The following ALX3 variants were observed in gnomAD, a reference collection of about 807,000 sequenced individuals.
ALX3 encodes the protein homeobox protein aristaless-like 3.
ALX3 carries 17 observed loss-of-function variants against 26.3 expected under a neutral mutation model. The ratio of observed to expected loss-of-function variants is 0.65; its 90% CI spans 0.44 to 0.97. The LOEUF (loss-of-function observed/expected upper bound fraction) is 0.97. ALX3 is among the 50% of genes least tolerant of loss of function. The pLI, the probability that ALX3 is intolerant of heterozygous loss-of-function variation, is 0.00. For synonymous variants in ALX3, 208 were observed against 201.4 expected, an observed-to-expected ratio of 1.03 and a Z score of -0.28; for missense variants, 461 against 466.5, an observed-to-expected ratio of 0.99 and a Z score of 0.11.
In ALX3 at chr1:110,060,868, G is replaced by A. The variant is rs200860667; in HGVS notation, c.897C>T (p.Ser299=). 1.2e-6 allele frequency: 2 copies of A among 1,614,048 alleles called. No homozygotes were observed. Among genetic ancestry groups the A allele is most frequent in the South Asian group, 1.1e-5 (1 of 91,090 alleles). ...CCAGGGTGGGGGGAAAGCCATGGAT[G>A]GAGTAGATGCCAGGGTGAGCCGCAG... ...APSAAHPGIY[S]IHGFPPTLGG... is the part of the protein sequence containing the mutation. Residue 299 remains serine, a synonymous_variant, in exon 4 of 4, where the codon TCC becomes TCT. Transcript: ENST00000647563.
At position 110,064,836 on chromosome 1, in the gene ALX3, TC is replaced by T; in HGVS notation, c.344del (p.Arg115LysfsTer78). On this transcript the variant is annotated frameshift_variant, in exon 2 of 4. Coordinates refer to ENST00000647563, the MANE Select transcript of ALX3 (RefSeq NM_006492.3). LOFTEE classifies it high-confidence loss of function. ...QLPLDCRGGPRDGPSNLQGSP... is the reference protein window; with the variant it reads ...QLPLDCRGGPXDGPSNLQGSP... ...AGCCTTGCAAGTTAGAGGGCCCGTCTCTGGGGCCCCCTCGGCAGTCCAAGGG... is the reference window on the plus strand; with the variant it reads ...AGCCTTGCAAGTTAGAGGGCCCGTCTTGGGGCCCCCTCGGCAGTCCAAGGG... 3.1e-6 allele frequency: 5 copies of T among 1,613,288 alleles called. No homozygotes were observed. The highest frequency in any genetic ancestry group is 4.2e-6 in the Non-Finnish European group (5 of 1,179,794).
rs1401512006 is a variant in ALX3, at chr1:110,070,586, GA to G, written c.26del (p.Phe9SerfsTer40). The G allele has an allele frequency of 7.7e-7, 1 of 1,297,004 alleles. No homozygotes were observed. Among genetic ancestry groups the G allele is most frequent in the Admixed American group, 3.6e-5 (1 of 27,576 alleles). The allele number at this position is 1,297,004 out of a possible 1,614,324, so 80.3% of individuals were successfully genotyped here. A position where few individuals can be genotyped will look rare whatever the true frequency, so the allele number is the denominator to read the frequency against. The part of the protein sequence containing the change: MDPEHCAP[F>X]RVGPAPGPYV... ...AGGGGCCGGGTGCAGGCCCCACGCG[GA>G]AAGGCGCGCAGTGCTCGGGGTCCAT... On this transcript the variant is annotated frameshift_variant, in exon 1 of 4. Coordinates refer to ENST00000647563, the MANE Select transcript of ALX3 (RefSeq NM_006492.3). LOFTEE classifies it high-confidence loss of function.
rs116085244 is a variant in ALX3 at position 110,064,990 on chromosome 1, G to A, written c.278-87C>T. Reference sequence around the variant, plus strand: ...TGGAGGGAGGGGGAAGAACATTGACGCCTCAGTCTCCGCCTCCCCCTTCCT... The same window carrying A: ...TGGAGGGAGGGGGAAGAACATTGACACCTCAGTCTCCGCCTCCCCCTTCCT... On this transcript the variant is annotated intron_variant, in intron 1 of 3. Transcript: ENST00000647563. 2,097 of 1,296,372 alleles carry A rather than the reference G, an allele frequency of 1.6e-3. 1 individual carries two copies. The highest frequency in any genetic ancestry group is 2.1e-3 in the Non-Finnish European group (1,970 of 959,578). The allele number at this position is 1,296,372 out of a possible 1,614,324, so 80.3% of individuals were successfully genotyped here.
chr1:110,064,439 G>A (rs748137001), intron 2 of ALX3, 148 bp downstream of exon 2: 3 of 954,364 alleles, frequency 3.1e-6, no homozygotes, highest in Non-Finnish European at 3.2e-6. Context: ...GCATGAGGGT[G>A]AGCCCAGGAG....
In ALX3 at chr1:110,060,732, A is replaced by G. The variant is rs1653615288; in HGVS notation, c.*1T>C. ...CTCATTCTGCAGGTCCATGCAACCG[A>G]TCACGTGGTCCAGTTCAGAAGGCCG... On this transcript the variant is annotated 3_prime_UTR_variant, in exon 4 of 4. Coordinates refer to ENST00000647563, the MANE Select transcript of ALX3 (RefSeq NM_006492.3). 1.4e-6 allele frequency: 2 copies of G among 1,457,036 alleles called. No homozygotes were observed. The highest frequency in any genetic ancestry group is 1.8e-6 in the Non-Finnish European group (2 of 1,097,060). The allele number at this position is 1,457,036 out of a possible 1,614,324, so 90.3% of individuals were successfully genotyped here. A position where few individuals can be genotyped will look rare whatever the true frequency, so the allele number is the denominator to read the frequency against.
intron 2 of ALX3, chr1:110,061,775 C>T (rs1653653979): frequency 4.4e-6 from 3 of 676,660 alleles, no homozygotes; most frequent in Non-Finnish European, 4.9e-6. Flanking sequence ...TAATTGGCCC[C>T]ATGGGCCTCC....
At chr1:110,070,245 G>C (rs1268291631) in intron 1 of ALX3, 91 bp downstream of exon 1, 5 of 1,238,350 alleles carry the variant, frequency 4.0e-6, no homozygotes, top group African/African-American at 1.5e-5. Context: ...ATAGGCGAGC[G>C]GGAGAGATAA....
chr1:110,066,898 A>G (rs972664343), intron 1 of ALX3, among the ~76,000 whole-genome samples: 8 of 152,158 alleles, frequency 5.3e-5, no homozygotes, highest in Non-Finnish European at 1.2e-4. Context: ...TGCCAGGGAC[A>G]AGGGATGAAA....
At chr1:110,069,456 G>A (rs987356325) in intron 1 of ALX3, among the ~76,000 whole-genome samples, 1 of 152,222 alleles carries the variant, frequency 6.6e-6, no homozygotes, top group Non-Finnish European at 1.5e-5. Context: ...TGCGGCGGAC[G>A]GCCGCAGAGC....
At chr1:110,069,816 G>A (rs891181833) in intron 1 of ALX3, among the ~76,000 whole-genome samples, 31 of 152,170 alleles carry the variant, frequency 2.0e-4, no homozygotes, top group African/African-American at 7.0e-4. Context: ...GGCCCGGGGA[G>A]GAGAGACGGG....
chr1:110,063,905 A>G lies in ALX3; in HGVS notation c.594+682T>C, dbSNP rs192616491. ...CTTCCTCCCTTCTCAGCATTTACCTACCCACAGGCTGGGCTCCCCCCATGT... is the reference window on the plus strand; with the variant it reads ...CTTCCTCCCTTCTCAGCATTTACCTGCCCACAGGCTGGGCTCCCCCCATGT... On this transcript the variant is annotated intron_variant, in intron 2 of 3. Transcript: ENST00000647563. Among the ~76,000 whole-genome samples the G allele has an allele frequency of 5.3e-5, 8 of 151,388 alleles. No homozygotes were observed. In the East Asian group the frequency reaches 1.6e-3, roughly 30 times the overall value.
Position 110,059,932 on chromosome 1 carries a change from T to A in ALX3, c.*801A>T, listed in dbSNP as rs1410811845. ...AGCCTTTTTTTTCTCTCTCTCTCCTTTTTTTTTTTTTTAAACAAAAAAAAC... is the reference window on the plus strand; with the variant it reads ...AGCCTTTTTTTTCTCTCTCTCTCCTATTTTTTTTTTTTAAACAAAAAAAAC... On this transcript the variant is annotated 3_prime_UTR_variant, in exon 4 of 4. Transcript: ENST00000647563. 1 of 145,408 alleles carries A rather than the reference T, an allele frequency of 6.9e-6. No homozygotes were observed. Among genetic ancestry groups the A allele is most frequent in the Admixed American group, 6.8e-5 (1 of 14,600 alleles). 9.0% of individuals were successfully genotyped at this position (145,408 alleles called of 1,614,324 possible).
chr1:110,060,536 C>T lies in ALX3; in HGVS notation c.*197G>A, dbSNP rs1012831736. On this transcript the variant is annotated 3_prime_UTR_variant, in exon 4 of 4. Coordinates refer to ENST00000647563, the MANE Select transcript of ALX3 (RefSeq NM_006492.3). ...GTGGTAGGAAGAGTCCTGGCTGCTT[C>T]GAAGCCCCTTCTCCTAGGCAGCCCC... 1.2e-5 allele frequency: 6 copies of T among 491,412 alleles called. No individual in the cohort carries two copies. The highest frequency in any genetic ancestry group is 7.6e-5 in the South Asian group (2 of 26,390). 30.4% of individuals were successfully genotyped at this position (491,412 alleles called of 1,614,324 possible).
rs769180172 is a variant in ALX3 at position 110,060,931 on chromosome 1, A to C, written c.834T>G (p.His278Gln). The C allele has an allele frequency of 6.2e-7, 1 of 1,613,198 alleles. No individual in the cohort carries two copies. The highest frequency in any genetic ancestry group is 1.1e-5 in the South Asian group (1 of 91,018). Residue 278 changes from histidine (H) to glutamine (Q), a missense_variant, in exon 4 of 4, where the codon CAT becomes CAG. His to Gln is a conservative substitution (Grantham distance 24). Around this residue, in one of 3 missense-constraint regions of ALX3, gnomAD observed 169 missense variants for 178.0 expected, o/e 0.95. Coordinates refer to ENST00000647563, the MANE Select transcript of ALX3 (RefSeq NM_006492.3). ...SPCMSPYSHPHGSVAGFMGVP... is the reference protein window; with the variant it reads ...SPCMSPYSHPQGSVAGFMGVP... ...CCCCCATGAAGCCAGCCACACTCCC[A>C]TGGGGGTGGGAATATGGAGACATGC... is the stretch of plus-strand genomic sequence containing the variant.
intron 3 of ALX3, 93 bp downstream of exon 3, chr1:110,061,342 A>G: frequency 3.8e-6 from 6 of 1,588,538 alleles, no homozygotes; most frequent in East Asian, 2.2e-5. Flanking sequence ...TGTCATACAG[A>G]ACGCTGACGC....
At chr1:110,063,358 G>A (rs943205469) in intron 2 of ALX3, among the ~76,000 whole-genome samples, 1 of 152,208 alleles carries the variant, frequency 6.6e-6, no homozygotes, top group Non-Finnish European at 1.5e-5. Context: ...TTGGGGGACA[G>A]TCTTGGAAGT....
Position 110,060,788 on chromosome 1 carries a change from A to G in ALX3, c.977T>C (p.Val326Ala), listed in dbSNP as rs373342900. The G allele has an allele frequency of 6.2e-7, 1 of 1,612,022 alleles. No individual in the cohort carries two copies. Among genetic ancestry groups the G allele is most frequent in the African/African-American group, 1.3e-5 (1 of 74,420 alleles). ...CTCCTTGGGCTTTACCCTGAGCGAG[A>G]CGAGGCTTGGAGACTTATAGTCACC... ...SDGDYKSPSL[V>A]SLRVKPKEPP... Residue 326 changes from valine (V) to alanine (A), a missense_variant, in exon 4 of 4, where the codon GTC (valine) becomes GCC (alanine). Val to Ala is a moderately conservative substitution (Grantham distance 64). Coordinates refer to ENST00000647563, the MANE Select transcript of ALX3 (RefSeq NM_006492.3).
Position 110,069,486 on chromosome 1 carries a change from C to A in ALX3, c.277+850G>T, listed in dbSNP as rs111297223. 3.1e-3 allele frequency among the ~76,000 whole-genome samples: 469 copies of A among 152,340 alleles called. 1 individual carries two copies. Among genetic ancestry groups the A allele is most frequent in the African/African-American group, 0.011 (457 of 41,570 alleles). ...CAGAGCTGCCGATCAGCCTGCCAGG[C>A]CCCTGCCTTCAGGCGCATTCTCGGA... On this transcript the variant is annotated intron_variant, in intron 1 of 3. Transcript: ENST00000647563.
intron 2 of ALX3, chr1:110,061,889 C>T (rs1570936634): frequency 5.1e-6 from 2 of 394,086 alleles, no homozygotes; most frequent in East Asian, 1.1e-4. Context: ...TAGGTACTTC[C>T]TGGGTATACT....
Sources: gnomAD v4.1 joint callset for allele counts (sites outside exome capture counted in the v4.1 genomes callset) on GRCh38, gnomAD v4.1.1 for gene constraint, gnomAD v4.1.1 regional missense constraint, MANE v1.5 for transcripts, NCBI Gene and HGNC (gene_info 2026-07-23, HGNC 2026-07-21) for gene names.